The following CHD6 variants were observed in gnomAD, a reference collection of about 807,000 sequenced individuals.
The protein encoded by CHD6 is chromodomain helicase DNA binding protein 6, also known as ATP-dependent chromatin remodeler CHD6.
A neutral mutation model predicts 276.9 loss-of-function variants in CHD6; 50 were observed. The observed-to-expected ratio is 0.18, with a 90% CI of 0.14 to 0.23. The LOEUF (loss-of-function observed/expected upper bound fraction) is 0.23. Ranked by LOEUF, CHD6 falls within the 10% of genes least tolerant of loss-of-function variation. The pLI, the probability that CHD6 is intolerant of heterozygous loss-of-function variation, is 1.00. For missense variants in CHD6, 2,564 were observed against 3,365.8 expected, an observed-to-expected ratio of 0.76 and a Z score of 5.89; for synonymous variants, 1,173 against 1,229.3, an observed-to-expected ratio of 0.95 and a Z score of 0.96.
At chr20:41,598,619 C>T (rs1034108903) in intron 1 of CHD6, among the ~76,000 whole-genome samples, 12 of 152,250 alleles carry the variant, frequency 7.9e-5, no homozygotes, top group Non-Finnish European at 1.3e-4. Context: ...CTGTTATTCC[C>T]GGAAGTTAAA....
At chr20:41,518,216 A>G (rs1263007767) in intron 3 of CHD6, among the ~76,000 whole-genome samples, 1 of 152,198 alleles carries the variant, frequency 6.6e-6, no homozygotes, top group Non-Finnish European at 1.5e-5. Flanking sequence ...ACTAAACGTA[A>G]CTTCATTATA....
At chr20:41,515,267 C>G (rs991333773) in intron 3 of CHD6, among the ~76,000 whole-genome samples, 5 of 152,212 alleles carry the variant, frequency 3.3e-5, no homozygotes, top group African/African-American at 1.2e-4. Context: ...AACTGCTTCA[C>G]AGATACTAAG....
chr20:41,404,462 A>C lies in CHD6; in HGVS notation c.*131T>G. On this transcript the variant is annotated 3_prime_UTR_variant, in exon 37 of 37. Coordinates refer to ENST00000373233, the MANE Select transcript of CHD6 (RefSeq NM_032221.5). ...ATTAACATCTGTTACCATAGTTCTCAGACAGGAAATCAGGTACGTAATCTT... is the reference window on the plus strand; with the variant it reads ...ATTAACATCTGTTACCATAGTTCTCCGACAGGAAATCAGGTACGTAATCTT... 1 of 1,370,820 alleles carries C rather than the reference A, an allele frequency of 7.3e-7. No individual in the cohort carries two copies. The highest frequency in any genetic ancestry group is 9.4e-7 in the Non-Finnish European group (1 of 1,060,502). 84.9% of individuals were successfully genotyped at this position (1,370,820 alleles called of 1,614,324 possible).
At chr20:41,493,151 A>G (rs1321418827) in intron 10 of CHD6, among the ~76,000 whole-genome samples, 1 of 152,196 alleles carries the variant, frequency 6.6e-6, no homozygotes, top group Non-Finnish European at 1.5e-5. Context: ...CAGTTGAGTG[A>G]AGAAGGGAAA....
At chr20:41,488,160 A>G (rs2043463400) in intron 13 of CHD6, among the ~76,000 whole-genome samples, 1 of 152,096 alleles carries the variant, frequency 6.6e-6, no homozygotes, top group Non-Finnish European at 1.5e-5. Context: ...CAGCCAAAAC[A>G]CCTTACATTT....
intron 1 of CHD6, among the ~76,000 whole-genome samples, chr20:41,575,653 C>T (rs2045466657): frequency 6.6e-6 from 1 of 152,194 alleles, no homozygotes; most frequent in Admixed American, 6.5e-5. Context: ...CATTAACGCA[C>T]CCAGAATTGT....
rs990462653 is a variant in CHD6 at position 41,404,251 on chromosome 20, A to G, written c.*342T>C. ...ACCCTTCAATGGTAAAACCCTAGACAGCTTTCTTTTGCCATTTTTCCTCCT... is the reference window on the plus strand; with the variant it reads ...ACCCTTCAATGGTAAAACCCTAGACGGCTTTCTTTTGCCATTTTTCCTCCT... On this transcript the variant is annotated 3_prime_UTR_variant, in exon 37 of 37. Transcript: ENST00000373233. 9.2e-7 allele frequency: 1 copy of G among 1,085,984 alleles called. No homozygotes were observed. The highest frequency in any genetic ancestry group is 4.9e-5 in the East Asian group (1 of 20,598). 67.3% of individuals were successfully genotyped at this position (1,085,984 alleles called of 1,614,324 possible).
intron 1 of CHD6, among the ~76,000 whole-genome samples, chr20:41,567,277 C>T (rs1419443154): frequency 6.6e-6 from 1 of 152,146 alleles, no homozygotes; most frequent in Non-Finnish European, 1.5e-5. Context: ...CTTAAGTCCC[C>T]CTTATCAAGG....
intron 36 of CHD6, among the ~76,000 whole-genome samples, chr20:41,410,180 A>ATATCC (rs1430503885): frequency 2.0e-5 from 3 of 152,200 alleles, no homozygotes; most frequent in African/African-American, 7.2e-5. Context: ...TACTATGCTG[A>ATATCC]TATCCTGTGC....
intron 23 of CHD6, 87 bp from the exon 24 acceptor site, chr20:41,448,058 T>G: frequency 5.8e-6 from 4 of 689,450 alleles, no homozygotes; most frequent in Non-Finnish European, 7.3e-6. Flanking sequence ...TGGGAAATTC[T>G]GGGCATTCCC....
intron 8 of CHD6, among the ~76,000 whole-genome samples, chr20:41,495,696 T>C (rs1468462451): frequency 6.6e-6 from 1 of 152,228 alleles, no homozygotes; most frequent in Non-Finnish European, 1.5e-5. Flanking sequence ...ACTATAGTGG[T>C]TATTTCACAA....
chr20:41,580,426 C>A (rs1344822419), intron 1 of CHD6, among the ~76,000 whole-genome samples: 1 of 151,958 alleles, frequency 6.6e-6, no homozygotes, highest in Non-Finnish European at 1.5e-5. Flanking sequence ...CTTAGGGAGG[C>A]TGAGGATGGC....
chr20:41,572,812 C>A (rs1169959552), intron 1 of CHD6, among the ~76,000 whole-genome samples: 1 of 152,208 alleles, frequency 6.6e-6, no homozygotes, highest in East Asian at 1.9e-4. Flanking sequence ...AAAAGGTCCT[C>A]TTATCCCATT....
intron 1 of CHD6, among the ~76,000 whole-genome samples, chr20:41,582,335 A>AG (rs1601164958): frequency 6.6e-6 from 1 of 152,320 alleles, no homozygotes; most frequent in African/African-American, 2.4e-5. Context: ...GGCAATTCCA[A>AG]GGGGAAATTC....
chr20:41,537,105 TGCATATTTTATGTGAAATATA>T (rs1171811614), intron 2 of CHD6, among the ~76,000 whole-genome samples: 9 of 152,188 alleles, frequency 5.9e-5, no homozygotes, highest in African/African-American at 2.2e-4. Context: ...TCCTAAAAGT[TGCATATTTTATGTGAAATATA>T]GTAATTAAGG....
intron 2 of CHD6, among the ~76,000 whole-genome samples, chr20:41,546,932 C>T (rs1015264981): frequency 6.6e-6 from 1 of 152,168 alleles, no homozygotes. Context: ...CTATTATGCC[C>T]TTTCTGGTTA....
At chr20:41,495,644 AC>A (rs1443070571) in intron 8 of CHD6, among the ~76,000 whole-genome samples, 1 of 152,102 alleles carries the variant, frequency 6.6e-6, no homozygotes, top group Non-Finnish European at 1.5e-5. Context: ...AAGAAAAAAA[AC>A]CCCCTACTTA....
At chr20:41,523,739 T>C (rs1418223537) in intron 3 of CHD6, among the ~76,000 whole-genome samples, 1 of 152,130 alleles carries the variant, frequency 6.6e-6, no homozygotes, top group Non-Finnish European at 1.5e-5. Context: ...ATATCTCCAG[T>C]TTCTAACCTC....
At chr20:41,614,086 AACT>A (rs1218588966) in intron 1 of CHD6, among the ~76,000 whole-genome samples, 5 of 152,208 alleles carry the variant, frequency 3.3e-5, no homozygotes, top group African/African-American at 1.2e-4. Flanking sequence ...TTAAAAATTT[AACT>A]ACTTGATAAA....
Sources: gnomAD v4.1 joint callset for allele counts (sites outside exome capture counted in the v4.1 genomes callset) on GRCh38, gnomAD v4.1.1 for gene constraint, MANE v1.5 for transcripts, NCBI Gene and HGNC (gene_info 2026-07-23, HGNC 2026-07-21) for gene names.